The following NECTIN3 variants were observed in gnomAD, a reference collection of about 807,000 sequenced individuals.
The protein encoded by NECTIN3 is nectin cell adhesion molecule 3.
Under a neutral mutation model 49.4 loss-of-function variants are expected in NECTIN3, and 8 were observed. The observed-to-expected ratio is 0.16, with a 90% CI of 0.10 to 0.29. NECTIN3 has a LOEUF of 0.29. Ranked by LOEUF, NECTIN3 falls within the 10% of genes least tolerant of loss-of-function variation. NECTIN3 has a pLI of 1.00. For synonymous variants in NECTIN3, 277 were observed against 241.1 expected (o/e 1.15, Z -1.38); for missense variants, 581 against 654.6 (o/e 0.89, Z 1.23).
chr3:111,093,164 T>C (rs1375009468), intron 1 of NECTIN3, among the ~76,000 whole-genome samples: 1 of 152,180 alleles, frequency 6.6e-6, no homozygotes, highest in Non-Finnish European at 1.5e-5. Context: ...GATGAACTGT[T>C]TTATTAGTTC....
At chr3:111,145,088 A>G in intron 6 of NECTIN3, 13 of 1,484,596 alleles carry the variant, frequency 8.8e-6, no homozygotes, top group South Asian at 6.1e-5. Context: ...TATGTGTCCA[A>G]TCTTTATGTT....
At chr3:111,118,993 C>T (rs1438576574) in intron 3 of NECTIN3, 41 bp downstream of exon 3, 1 of 1,460,664 alleles carries the variant, frequency 6.8e-7, no homozygotes, top group Non-Finnish European at 9.3e-7. Context: ...TATTTGTCAG[C>T]ATGTTTATCA....
At chr3:111,094,147 A>G (rs1179489793) in intron 1 of NECTIN3, among the ~76,000 whole-genome samples, 1 of 151,942 alleles carries the variant, frequency 6.6e-6, no homozygotes, top group Non-Finnish European at 1.5e-5. Flanking sequence ...TTTTATATTT[A>G]CTATACTTTT....
chr3:111,142,015 C>A (rs1233539237), downstream of NECTIN3, among the ~76,000 whole-genome samples: 1 of 151,736 alleles, frequency 6.6e-6, no homozygotes, highest in Non-Finnish European at 1.5e-5. Flanking sequence ...GCTAAATTCT[C>A]AATTTTCATC....
intron 1 of NECTIN3, among the ~76,000 whole-genome samples, chr3:111,105,462 G>A (rs951070445): frequency 3.3e-5 from 5 of 152,002 alleles, no homozygotes; most frequent in African/African-American, 4.8e-5. Context: ...GCTATTCTAC[G>A]TAGCAATGTT....
chr3:111,094,403 T>A (rs1323967301), intron 1 of NECTIN3, among the ~76,000 whole-genome samples: 1 of 152,234 alleles, frequency 6.6e-6, no homozygotes, highest in Non-Finnish European at 1.5e-5. Context: ...TACTTTTTCA[T>A]ATTGCTTTTT....
chr3:111,167,945 C>T (rs913401422), intron 7 of NECTIN3, among the ~76,000 whole-genome samples: 10 of 152,040 alleles, frequency 6.6e-5, no homozygotes, highest in East Asian at 3.9e-4. Context: ...ACACTTGGGA[C>T]TAGAAGTGTT....
At chr3:111,174,682 C>G (rs1559818867) in intron 7 of NECTIN3, among the ~76,000 whole-genome samples, 1 of 145,138 alleles carries the variant, frequency 6.9e-6, no homozygotes, top group Admixed American at 7.2e-5. Flanking sequence ...AGGGTTGTGG[C>G]TTGCCTGTTC....
At chr3:111,107,521 T>C (rs2107439729) in intron 1 of NECTIN3, among the ~76,000 whole-genome samples, 1 of 152,276 alleles carries the variant, frequency 6.6e-6, no homozygotes, top group Middle Eastern at 3.4e-3. Flanking sequence ...AGAGTCTTGC[T>C]AGATGTGGAA....
chr3:111,152,292 G>C (rs1359572453), intron 7 of NECTIN3, among the ~76,000 whole-genome samples: 2 of 151,726 alleles, frequency 1.3e-5, no homozygotes, highest in Non-Finnish European at 3.0e-5. Context: ...TGTATTTATA[G>C]TTTTGATAGA....
At chr3:111,193,355 C>T (rs1298656538) in intron 1 of NECTIN3, 2 of 1,535,394 alleles carry the variant, frequency 1.3e-6, no homozygotes, top group East Asian at 4.9e-5. Flanking sequence ...GAGTCTACAT[C>T]GACCCACGAG....
At chr3:111,086,898 T>C (rs2107379285) in intron 1 of NECTIN3, among the ~76,000 whole-genome samples, 1 of 152,274 alleles carries the variant, frequency 6.6e-6, no homozygotes, top group South Asian at 2.1e-4. Context: ...TTAAATAAAA[T>C]CTTCTGGTTT....
At chr3:111,078,982 A>G (rs976411921) in intron 1 of NECTIN3, among the ~76,000 whole-genome samples, 8 of 152,112 alleles carry the variant, frequency 5.3e-5, no homozygotes, top group South Asian at 2.1e-4. Flanking sequence ...AAGATAGTCT[A>G]TTTTGTAATG....
At chr3:111,149,461 G>A (rs1337524759) in intron 7 of NECTIN3, among the ~76,000 whole-genome samples, 1 of 61,628 alleles carries the variant, frequency 1.6e-5, no homozygotes, top group Non-Finnish European at 2.8e-5. Flanking sequence ...CTGGTAGGAT[G>A]TGTGTGTGTG....
At chr3:111,127,133 G>C (rs2034195165) in intron 5 of NECTIN3, among the ~76,000 whole-genome samples, 2 of 152,278 alleles carry the variant, frequency 1.3e-5, no homozygotes, top group South Asian at 4.1e-4. Flanking sequence ...GAGGTAAAAG[G>C]AAGAGAACCT....
chr3:111,190,843 A>G (rs2035801605), upstream of NECTIN3, among the ~76,000 whole-genome samples: 1 of 152,228 alleles, frequency 6.6e-6, no homozygotes, highest in Admixed American at 6.5e-5. Context: ...AGGGACTATA[A>G]AACAAGACAG....
At chr3:111,072,490 G>T (rs1369152843) in intron 1 of NECTIN3, 1 of 1,535,872 alleles carries the variant, frequency 6.5e-7, no homozygotes. Flanking sequence ...TTACTTCCTC[G>T]CTCATTCTCT....
In NECTIN3 at chr3:111,136,983, G is replaced by A; in HGVS notation, c.*2768G>A. On this transcript the variant is annotated 3_prime_UTR_variant, in exon 6 of 6. Transcript: ENST00000485303. ...TCTATTTGCTAACTCTAATATTGAG[G>A]AAACTATTAAGGTTTTCAGTAGTAA... 1.0e-6 allele frequency: 1 copy of A among 977,926 alleles called. No homozygotes were observed. The highest frequency in any genetic ancestry group is 4.7e-5 in the South Asian group (1 of 21,156). The allele number at this position is 977,926 out of a possible 1,614,324, so 60.6% of individuals were successfully genotyped here.
At chr3:111,073,491 G>A (rs1001251640) in intron 1 of NECTIN3, 1 of 152,222 alleles carries the variant, frequency 6.6e-6, no homozygotes, top group African/African-American at 2.4e-5. Flanking sequence ...AGTATAGTAT[G>A]GTAAATGGAA....
Sources: gnomAD v4.1 joint callset for allele counts (sites outside exome capture counted in the v4.1 genomes callset) on GRCh38, gnomAD v4.1.1 for gene constraint, MANE v1.5 for transcripts, NCBI Gene and HGNC (gene_info 2026-07-23, HGNC 2026-07-21) for gene names.